FNDC3A: variants seen among roughly 807,000 people sequenced by gnomAD.
FNDC3A encodes the protein fibronectin type-III domain-containing protein 3A.
A neutral mutation model predicts 148.9 loss-of-function variants in FNDC3A; 32 were observed. The ratio of observed to expected loss-of-function variants is 0.21; its 90% CI spans 0.16 to 0.29. The LOEUF is 0.29. FNDC3A is among the 10% of genes least tolerant of loss of function. The pLI is 1.00. For synonymous variants in FNDC3A, 472 were observed against 473.6 expected (o/e 1.00, Z 0.04); for missense variants, 1,191 against 1,452.8 (o/e 0.82, Z 2.93).
chr13:49,142,024 A>G (rs1239446550), intron 7 of FNDC3A, among the ~76,000 whole-genome samples: 1 of 152,210 alleles, frequency 6.6e-6, no homozygotes, highest in Non-Finnish European at 1.5e-5. Context: ...AGTTAAGCCT[A>G]TTTTGCCTAC....
intron 3 of FNDC3A, among the ~76,000 whole-genome samples, chr13:49,087,452 T>C (rs1051433191): frequency 6.6e-6 from 1 of 152,122 alleles, no homozygotes; most frequent in Non-Finnish European, 1.5e-5. Context: ...AAAATGTTTG[T>C]TTTGTGTGCC....
chr13:49,103,370 G>A (rs557333143), intron 3 of FNDC3A, among the ~76,000 whole-genome samples: 1 of 152,318 alleles, frequency 6.6e-6, no homozygotes, highest in South Asian at 2.1e-4. Context: ...ACACAGTATT[G>A]ACAAGGATAG....
chr13:49,054,213 T>C (rs1876061809), intron 2 of FNDC3A, among the ~76,000 whole-genome samples: 1 of 152,188 alleles, frequency 6.6e-6, no homozygotes, highest in African/African-American at 2.4e-5. Flanking sequence ...ACTTAGAATT[T>C]TATTTTTAGT....
At chr13:49,159,084 G>T (rs1414925376) in intron 8 of FNDC3A, among the ~76,000 whole-genome samples, 4 of 152,208 alleles carry the variant, frequency 2.6e-5, no homozygotes, top group Non-Finnish European at 4.4e-5. Context: ...TTTGGCTTAG[G>T]ATTGTCTTGA....
chr13:49,111,813 G>A (rs535320807), intron 3 of FNDC3A, among the ~76,000 whole-genome samples: 1 of 150,984 alleles, frequency 6.6e-6, no homozygotes, highest in East Asian at 1.9e-4. Context: ...GGATTACTTC[G>A]TAAAGAAGTA....
At position 49,167,238 on chromosome 13, in the gene FNDC3A, C is replaced by CAAAAA; in HGVS notation, c.978-6_978-5insAAAAA. ...CAGACATGATATATTACCCTTTTTT[C>CAAAAA]CCCAGAGGAGAAGAAACAAATATCA... On this transcript the variant is annotated splice_polypyrimidine_tract_variant and splice_region_variant and intron_variant, in intron 8 of 25. Coordinates refer to ENST00000492622, the MANE Select transcript of FNDC3A (RefSeq NM_001079673.2). 6.3e-7 allele frequency: 1 copy of CAAAAA among 1,583,580 alleles called. No homozygotes were observed. The highest frequency in any genetic ancestry group is 8.6e-7 in the Non-Finnish European group (1 of 1,159,526).
intron 1 of FNDC3A, among the ~76,000 whole-genome samples, chr13:48,979,863 T>C (rs1566170947): frequency 6.6e-6 from 1 of 152,184 alleles, no homozygotes; most frequent in Non-Finnish European, 1.5e-5. Flanking sequence ...TAAAAATTTT[T>C]ACATTGTTGT....
intron 2 of FNDC3A, among the ~76,000 whole-genome samples, chr13:49,032,804 T>C (rs1302540481): frequency 1.3e-5 from 2 of 152,180 alleles, no homozygotes; most frequent in East Asian, 3.8e-4. Flanking sequence ...ACTGTGGTAG[T>C]GATTGTACAG....
At chr13:49,155,303 C>T (rs1449095224) in intron 8 of FNDC3A, among the ~76,000 whole-genome samples, 3 of 151,298 alleles carry the variant, frequency 2.0e-5, no homozygotes, top group East Asian at 1.9e-4. Context: ...AGTTTATTTG[C>T]GTAGAGGTGT....
chr13:49,098,915 C>T (rs1593587389), intron 3 of FNDC3A, among the ~76,000 whole-genome samples: 1 of 152,212 alleles, frequency 6.6e-6, no homozygotes, highest in African/African-American at 2.4e-5. Flanking sequence ...TTCTCTTTCT[C>T]CTGTAACTTC....
At chr13:49,165,818 C>T (rs1460723070) in intron 8 of FNDC3A, among the ~76,000 whole-genome samples, 1 of 152,176 alleles carries the variant, frequency 6.6e-6, no homozygotes, top group African/African-American at 2.4e-5. Context: ...GTGACTGTGA[C>T]AGGCTGGGCA....
Position 49,027,133 on chromosome 13 carries a change from A to G in FNDC3A, c.99+20844A>G, listed in dbSNP as rs139641968. On this transcript the variant is annotated intron_variant, in intron 2 of 25. Transcript: ENST00000492622. ...TTACAGATGGACAAACTAAAGGCTCATAGTTAGCCAGTTGACACACTGAGT... is the reference window on the plus strand; with the variant it reads ...TTACAGATGGACAAACTAAAGGCTCGTAGTTAGCCAGTTGACACACTGAGT... Among the ~76,000 whole-genome samples, 372 of 152,298 alleles carry G rather than the reference A, an allele frequency of 2.4e-3. 2 individuals are homozygous for G. The highest frequency in any genetic ancestry group is 8.5e-3 in the African/African-American group (354 of 41,578).
chr13:48,992,539 C>T (rs996027795), intron 1 of FNDC3A, among the ~76,000 whole-genome samples: 15 of 152,080 alleles, frequency 9.9e-5, no homozygotes, highest in Admixed American at 6.5e-4. Context: ...ATGAAAACAA[C>T]ATCATTGTTC....
At chr13:49,036,646 A>G (rs1422395411) in intron 2 of FNDC3A, among the ~76,000 whole-genome samples, 1 of 152,204 alleles carries the variant, frequency 6.6e-6, no homozygotes, top group Non-Finnish European at 1.5e-5. Flanking sequence ...GTCTTATGAA[A>G]GGCTTGTGTT....
chr13:49,107,727 T>C (rs1249980961), intron 3 of FNDC3A, among the ~76,000 whole-genome samples: 1 of 152,128 alleles, frequency 6.6e-6, no homozygotes, highest in Non-Finnish European at 1.5e-5. Context: ...GCTCTTAAAG[T>C]GTAACGAGAA....
At chr13:49,127,880 T>C (rs1379114814) in intron 4 of FNDC3A, among the ~76,000 whole-genome samples, 2 of 151,642 alleles carry the variant, frequency 1.3e-5, no homozygotes, top group Non-Finnish European at 3.0e-5. Flanking sequence ...CTTGTTTCTC[T>C]ACTTTTTTTT....
At chr13:49,119,381 A>G (rs749546246) in intron 4 of FNDC3A, among the ~76,000 whole-genome samples, 45 of 152,320 alleles carry the variant, frequency 3.0e-4, no homozygotes, top group Admixed American at 1.8e-3. Context: ...AGATAAATCC[A>G]TGAAGATGAG....
chr13:49,013,239 T>TG (rs1032123646), intron 2 of FNDC3A, among the ~76,000 whole-genome samples: 4 of 152,008 alleles, frequency 2.6e-5, no homozygotes, highest in Admixed American at 6.6e-5. Context: ...CACTTGAGCC[T>TG]GGGGGGTTGA....
At chr13:48,975,901 T>C (rs1951588622), upstream of FNDC3A, 1 of 151,564 alleles carries the variant, frequency 6.6e-6, no homozygotes, top group Non-Finnish European at 1.5e-5. Flanking sequence ...CGCGCCGACT[T>C]CGGGCTCCTC....
Sources: allele counts gnomAD v4.1 joint callset (sites outside exome capture counted in the v4.1 genomes callset), GRCh38; gene constraint gnomAD v4.1.1; transcripts MANE v1.5; gene names NCBI Gene and HGNC (gene_info 2026-07-23, HGNC 2026-07-21).